The following TBP variants were observed in gnomAD, a reference collection of about 807,000 sequenced individuals.
The protein encoded by TBP is TATA-box-binding protein.
TBP carries 12 observed loss-of-function variants against 46.2 expected under a neutral mutation model. That is an observed-to-expected ratio of 0.26 (90% CI 0.17 to 0.42). The LOEUF (loss-of-function observed/expected upper bound fraction) is 0.42. TBP is among the 10% of genes least tolerant of loss of function. TBP has a pLI of 1.00. For missense variants in TBP, 229 were observed against 403.1 expected (o/e 0.57, Z 3.70); for synonymous variants, 157 against 148.3 (o/e 1.06, Z -0.42).
At chr6:170,555,850 A>C (rs1443207285) in intron 1 of TBP, among the ~76,000 whole-genome samples, 1 of 152,196 alleles carries the variant, frequency 6.6e-6, no homozygotes, top group African/African-American at 2.4e-5. Flanking sequence ...CATACCCTTC[A>C]TATTGAACAC....
intron 4 of TBP, 49 bp from the exon 5 acceptor site, chr6:170,566,869 T>C (rs1295310455): frequency 6.4e-7 from 1 of 1,563,896 alleles, no homozygotes; most frequent in Non-Finnish European, 8.8e-7. Context: ...CCTAACAACA[T>C]TGAGCAGTTT....
chr6:170,557,546 C>T (rs566641139), intron 2 of TBP, among the ~76,000 whole-genome samples: 11 of 151,970 alleles, frequency 7.2e-5, no homozygotes, highest in African/African-American at 2.7e-4. Context: ...ACCAGCCTGG[C>T]CAACGTGGTG....
intron 5 of TBP, among the ~76,000 whole-genome samples, chr6:170,568,749 G>A (rs532625449): frequency 2.9e-5 from 3 of 102,986 alleles, no homozygotes; most frequent in South Asian, 3.0e-4. Flanking sequence ...CACCGTGCCC[G>A]ACCTGCCTGC....
intron 2 of TBP, 33 bp from the exon 3 acceptor site, chr6:170,561,758 A>G: frequency 6.3e-7 from 1 of 1,593,380 alleles, no homozygotes; most frequent in Non-Finnish European, 8.6e-7. Context: ...AGCAGCAGCC[A>G]GCCTAACCTG....
intron 4 of TBP, among the ~76,000 whole-genome samples, chr6:170,566,550 T>TCTC (rs1779251043): frequency 1.0e-5 from 1 of 96,164 alleles, no homozygotes; most frequent in Non-Finnish European, 2.0e-5. Flanking sequence ...AAACAAAATG[T>TCTC]ATCAGAGAAG....
intron 2 of TBP, among the ~76,000 whole-genome samples, chr6:170,558,745 G>A (rs140262695): frequency 1.3e-5 from 2 of 148,608 alleles, no homozygotes; most frequent in African/African-American, 5.0e-5. Flanking sequence ...CCAGGCTGGA[G>A]TGCAGTGGTG....
At chr6:170,570,623 A>G (rs1217287990) in intron 6 of TBP, among the ~76,000 whole-genome samples, 1 of 152,216 alleles carries the variant, frequency 6.6e-6, no homozygotes, top group Non-Finnish European at 1.5e-5. Context: ...AGTTGAGTTC[A>G]GGAGTTCAAG....
intron 1 of TBP, among the ~76,000 whole-genome samples, 182 bp from the exon 2 acceptor site, chr6:170,556,700 C>T (rs1180355340): frequency 3.9e-5 from 6 of 152,150 alleles, no homozygotes; most frequent in Non-Finnish European, 8.8e-5. Flanking sequence ...GGCGATTTTA[C>T]ATGCAATCGC....
rs1011812614 is a variant in TBP, at chr6:170,554,398, G to C, written c.-214G>C. On this transcript the variant is annotated 5_prime_UTR_variant, in exon 1 of 8. Transcript: ENST00000392092. ...AGGTCGGGCAGGTTCGCTGTGGCGG[G>C]CGCCTGGGCCGCCGGCTGTTTAACT... 1 of 152,458 alleles carries C rather than the reference G, an allele frequency of 6.6e-6. No homozygotes were observed. Among genetic ancestry groups the C allele is most frequent in the African/African-American group, 2.4e-5 (1 of 41,472 alleles). The allele number at this position is 152,458 out of a possible 1,614,324, so 9.4% of individuals were successfully genotyped here.
At chr6:170,567,134 T>A (rs766385864) in intron 5 of TBP, 125 bp downstream of exon 5, 19 of 419,426 alleles carry the variant, frequency 4.5e-5, no homozygotes, top group Non-Finnish European at 7.6e-5. Context: ...AAAACCATTT[T>A]AATATGATTC....
At position 170,572,808 on chromosome 6, in the gene TBP, T is replaced by C. The variant is rs1779389520; in HGVS notation, c.*543T>C. The stretch of plus-strand genomic sequence containing the variant: ...TGAAAATGAATGGCTGTACATATTT[T>C]TTTCTTTCTTCAGAGTACTCTGTAC... On this transcript the variant is annotated 3_prime_UTR_variant, in exon 8 of 8. Transcript: ENST00000392092. 1 of 153,194 alleles carries C rather than the reference T, an allele frequency of 6.5e-6. No individual in the cohort carries two copies. The highest frequency in any genetic ancestry group is 2.4e-5 in the African/African-American group (1 of 41,464). The allele number at this position is 153,194 out of a possible 1,614,324, so 9.5% of individuals were successfully genotyped here. A position where few individuals can be genotyped will look rare whatever the true frequency, so the allele number is the denominator to read the frequency against.
chr6:170,570,087 G>T (rs888963752), intron 6 of TBP, among the ~76,000 whole-genome samples: 4 of 144,524 alleles, frequency 2.8e-5, no homozygotes, highest in Non-Finnish European at 6.1e-5. Flanking sequence ...CCCTAACCTT[G>T]TATCAATTTT....
Position 170,572,712 on chromosome 6 carries a change from C to A in TBP, c.*447C>A. On this transcript the variant is annotated 3_prime_UTR_variant, in exon 8 of 8. Transcript: ENST00000392092. ...AAAGTGTTGTTTTTCTAATTTATAA[C>A]TCCTAGGGGTTATTTCTGTGCCAGA... The A allele has an allele frequency of 6.0e-6, 1 of 167,838 alleles. No homozygotes were observed. Among genetic ancestry groups the A allele is most frequent in the Admixed American group, 6.1e-5 (1 of 16,456 alleles). 10.4% of individuals were successfully genotyped at this position (167,838 alleles called of 1,614,324 possible). A position where few individuals can be genotyped will look rare whatever the true frequency, so the allele number is the denominator to read the frequency against.
intron 2 of TBP, among the ~76,000 whole-genome samples, chr6:170,558,931 C>T (rs1220679368): frequency 2.6e-5 from 4 of 152,176 alleles, no homozygotes; most frequent in African/African-American, 4.8e-5. Flanking sequence ...GTGATCCATC[C>T]GCCTTGGCCT....
At chr6:170,571,377 TG>T in intron 6 of TBP, 32 bp from the exon 7 acceptor site, 2 of 1,510,762 alleles carry the variant, frequency 1.3e-6, no homozygotes, top group South Asian at 2.3e-5. Context: ...ACAAAGCTCT[TG>T]ATTTCTAAAC....
intron 6 of TBP, among the ~76,000 whole-genome samples, 170 bp from the exon 7 acceptor site, chr6:170,571,240 G>A (rs551379073): frequency 2.0e-5 from 3 of 152,256 alleles, no homozygotes; most frequent in Admixed American, 6.5e-5. Context: ...ACTACAAGTC[G>A]GCCTCACTTG....
chr6:170,568,276 A>G (rs1396608355), intron 5 of TBP, among the ~76,000 whole-genome samples: 1 of 152,206 alleles, frequency 6.6e-6, no homozygotes, highest in Non-Finnish European at 1.5e-5. Flanking sequence ...TTTGTCCCAG[A>G]GCATCTGAAA....
rs1406670394 is a variant in TBP, at chr6:170,556,866, C to G, written c.-148-16C>G. The G allele has an allele frequency of 1.4e-5, 10 of 691,308 alleles. No individual in the cohort carries two copies. Among genetic ancestry groups the G allele is most frequent in the Non-Finnish European group, 2.3e-5 (9 of 397,992 alleles). 42.8% of individuals were successfully genotyped at this position (691,308 alleles called of 1,614,324 possible). ...CTGGATCCTTAAATTAAACTTTAGA[C>G]TTTTTTCCAAAGCAGCATCACTGTT... On this transcript the variant is annotated splice_polypyrimidine_tract_variant and intron_variant, in intron 1 of 7. Coordinates refer to ENST00000392092, the MANE Select transcript of TBP (RefSeq NM_003194.5).
intron 1 of TBP, 109 bp from the exon 2 acceptor site, chr6:170,556,773 G>C (rs940081503): frequency 2.9e-4 from 102 of 348,860 alleles, no homozygotes; most frequent in Admixed American, 4.6e-5. Context: ...TTCCAAAATA[G>C]CTTCATTGGT....
Sources: allele counts gnomAD v4.1 joint callset (sites outside exome capture counted in the v4.1 genomes callset), GRCh38; gene constraint gnomAD v4.1.1; transcripts MANE v1.5; gene names NCBI Gene and HGNC (gene_info 2026-07-23, HGNC 2026-07-21).